The following FOXD1 variants were observed in gnomAD, a reference collection of about 807,000 sequenced individuals.
The protein encoded by FOXD1 is forkhead box protein D1.
FOXD1 carries 4 observed loss-of-function variants against 2.0 expected under a neutral mutation model. The ratio of observed to expected loss-of-function variants is 2.03; its 90% CI spans 1.00 to 4.64. FOXD1 has a LOEUF of 4.64. Among genes scored for constraint, FOXD1 ranks in the 30% most tolerant of loss-of-function variants. The pLI is 0.01. For missense variants in FOXD1, 586 were observed against 647.6 expected, an observed-to-expected ratio of 0.90 and a Z score of 1.03; for synonymous variants, 354 against 328.5, an observed-to-expected ratio of 1.08 and a Z score of -0.84.
chr5:73,447,387 C>A lies in FOXD1; in HGVS notation c.976G>T (p.Ala326Ser). 2.0e-6 allele frequency: 2 copies of A among 981,972 alleles called. No homozygotes were observed. The highest frequency in any genetic ancestry group is 2.4e-6 in the Non-Finnish European group (2 of 829,374). 60.8% of individuals were successfully genotyped at this position (981,972 alleles called of 1,614,324 possible). A position where few individuals can be genotyped will look rare whatever the true frequency, so the allele number is the denominator to read the frequency against. ...AGCGGGTGCGGCCGGTAGCCGAAGG[C>A]GGTCCGGGCCAGCTCGGCGGCCGCG... ...HGAAAELART[A>S]FGYRPHPLGA... The change falls in exon 1 of 1, where the codon GCC becomes TCC. Residue 326 changes from alanine (A) to serine (S), a missense_variant. Physicochemically the swap from Ala to Ser is moderately conservative, Grantham distance 99. Coordinates refer to ENST00000615637, the MANE Select transcript of FOXD1 (RefSeq NM_004472.3). The surrounding 1 kb of genome is among the most constrained non-coding windows in gnomAD (Gnocchi z 7.8).
Position 73,447,492 on chromosome 5 carries a change from G to T in FOXD1, c.871C>A (p.Leu291Ile). Residue 291 changes from leucine to isoleucine, a missense_variant, in exon 1 of 1, where the codon CTC becomes ATC. Leu to Ile is a conservative substitution (Grantham distance 5, BLOSUM62 2). This residue lies in a region of FOXD1 where 253 missense variants were observed against 234.4 expected (regional missense o/e 1.08). Transcript: ENST00000615637. The surrounding 1 kb of genome is among the most constrained non-coding windows in gnomAD (Gnocchi z 7.8). ...QLPPYAPPSALFAAAAAAAAA... is the reference protein window; with the variant it reads ...QLPPYAPPSAIFAAAAAAAAA... ...GCGGCGGCCGCTGCGGCGGCGAAGA[G>T]GGCCGAGGGCGGCGCGTAAGGCGGC... is the stretch of plus-strand genomic sequence containing the variant. 9.9e-7 allele frequency: 1 copy of T among 1,006,820 alleles called. No individual in the cohort carries two copies. Among genetic ancestry groups the T allele is most frequent in the Non-Finnish European group, 1.2e-6 (1 of 846,186 alleles). 62.4% of individuals were successfully genotyped at this position (1,006,820 alleles called of 1,614,324 possible). A position where few individuals can be genotyped will look rare whatever the true frequency, so the allele number is the denominator to read the frequency against.
Position 73,448,098 on chromosome 5 carries a change from G to T in FOXD1, c.265C>A (p.Pro89Thr). Reference sequence around the variant, plus strand: ...CCCGCCGCCGGGGCCGGGCCCGGGGGCGCCGGGGAGCCCCCAGCAGGCGGG... The same window carrying T: ...CCCGCCGCCGGGGCCGGGCCCGGGGTCGCCGGGGAGCCCCCAGCAGGCGGG... ...LAPPAGGSPAPPGPAPAAGAG... is the reference protein window; with the variant it reads ...LAPPAGGSPATPGPAPAAGAG... Residue 89 changes from proline (P) to threonine (T), a missense_variant, in exon 1 of 1, where the codon CCC becomes ACC. Pro to Thr is a conservative substitution (Grantham distance 38). Coordinates refer to ENST00000615637, the MANE Select transcript of FOXD1 (RefSeq NM_004472.3). 8.6e-7 allele frequency: 1 copy of T among 1,159,608 alleles called. No individual in the cohort carries two copies. The highest frequency in any genetic ancestry group is 1.1e-6 in the Non-Finnish European group (1 of 940,518). The allele number at this position is 1,159,608 out of a possible 1,614,324, so 71.8% of individuals were successfully genotyped here. A position where few individuals can be genotyped will look rare whatever the true frequency, so the allele number is the denominator to read the frequency against.
In FOXD1 at chr5:73,448,418, C is replaced by T. The variant is rs1405047635; in HGVS notation, c.-56G>A. The T allele has an allele frequency of 1.9e-6, 2 of 1,078,308 alleles. No individual in the cohort carries two copies. The highest frequency in any genetic ancestry group is 4.1e-5 in the South Asian group (1 of 24,158). 66.8% of individuals were successfully genotyped at this position (1,078,308 alleles called of 1,614,324 possible). A position where few individuals can be genotyped will look rare whatever the true frequency, so the allele number is the denominator to read the frequency against. On this transcript the variant is annotated 5_prime_UTR_variant, in exon 1 of 1. Transcript: ENST00000615637. ...ATGGGGGCGCCGGGCTCCGGGCTCCCTCTGCGCCCCAGCCCGGGTCCCGGG... is the reference window on the plus strand; with the variant it reads ...ATGGGGGCGCCGGGCTCCGGGCTCCTTCTGCGCCCCAGCCCGGGTCCCGGG...
Position 73,447,371 on chromosome 5 carries a change from G to A in FOXD1, c.992C>T (p.Pro331Leu), listed in dbSNP as rs921247059. 8 of 982,884 alleles carry A rather than the reference G, an allele frequency of 8.1e-6. No homozygotes were observed. The African/African-American group carries it at 1.2e-4, about 15-fold the overall frequency. 60.9% of individuals were successfully genotyped at this position (982,884 alleles called of 1,614,324 possible). A position where few individuals can be genotyped will look rare whatever the true frequency, so the allele number is the denominator to read the frequency against. ...GGGTAGGGCGGCGCCGAGCGGGTGC[G>A]GCCGGTAGCCGAAGGCGGTCCGGGC... ...ELARTAFGYR[P>L]HPLGAALPGP... The change falls in exon 1 of 1, where the codon CCG (proline) becomes CTG (leucine). Residue 331 changes from proline to leucine, a missense_variant. Pro to Leu is a moderately conservative substitution (Grantham distance 98). Around this residue, in one of 4 missense-constraint regions of FOXD1, gnomAD observed 253 missense variants for 234.4 expected, o/e 1.08. Coordinates refer to ENST00000615637, the MANE Select transcript of FOXD1 (RefSeq NM_004472.3). The surrounding 1 kb of genome is among the most constrained non-coding windows in gnomAD (Gnocchi z 7.8).
At position 73,447,873 on chromosome 5, in the gene FOXD1, C is replaced by G; in HGVS notation, c.490G>C (p.Glu164Gln). Residue 164 changes from glutamate (E) to glutamine (Q), a missense_variant, in exon 1 of 1, where the codon GAG (glutamate) becomes CAG (glutamine). Transcript: ENST00000615637. The surrounding 1 kb of genome is among the most constrained non-coding windows in gnomAD (Gnocchi z 7.8). ...CTGTTCTGCCAGGCGGGGAACTTCT[C>G]CCGGTAGTAGGGGAAGCGGCCGCTG... is the stretch of plus-strand genomic sequence containing the variant. Reference protein sequence around the residue: ...FISGRFPYYREKFPAWQNSIR... With the variant: ...FISGRFPYYRQKFPAWQNSIR... The G allele has an allele frequency of 6.2e-7, 1 of 1,611,716 alleles. No individual in the cohort carries two copies. Among genetic ancestry groups the G allele is most frequent in the Non-Finnish European group, 8.5e-7 (1 of 1,178,938 alleles).
At position 73,447,746 on chromosome 5, in the gene FOXD1, G is replaced by C; in HGVS notation, c.617C>G (p.Ala206Gly). Reference sequence around the variant, plus strand: ...GAAGCTGCCGTTGTCGAACATGTCGGCGGACTCCGGGTCCAGCGTCCAGTA... The same window carrying C: ...GAAGCTGCCGTTGTCGAACATGTCGCCGGACTCCGGGTCCAGCGTCCAGTA... ...GNYWTLDPESADMFDNGSFLR... is the reference protein window; with the variant it reads ...GNYWTLDPESGDMFDNGSFLR... Residue 206 changes from alanine to glycine, a missense_variant, in exon 1 of 1, where the codon GCC (alanine) becomes GGC (glycine). By Grantham distance (60) the Ala-to-Gly change is moderately conservative. This residue lies in a region of FOXD1 where 104 missense variants were observed against 175.4 expected (regional missense o/e 0.59). Coordinates refer to ENST00000615637, the MANE Select transcript of FOXD1 (RefSeq NM_004472.3). This position sits in a 1 kb window ranked among gnomAD's most constrained non-coding sequence, Gnocchi z 7.8. 1 of 1,611,212 alleles carries C rather than the reference G, an allele frequency of 6.2e-7. No individual in the cohort carries two copies.
At position 73,446,846 on chromosome 5, in the gene FOXD1, T is replaced by G. The variant is rs1580341416; in HGVS notation, c.*119A>C. 1.1e-6 allele frequency: 1 copy of G among 883,402 alleles called. No individual in the cohort carries two copies. The highest frequency in any genetic ancestry group is 1.7e-6 in the Non-Finnish European group (1 of 582,376). The allele number at this position is 883,402 out of a possible 1,614,324, so 54.7% of individuals were successfully genotyped here. On this transcript the variant is annotated 3_prime_UTR_variant, in exon 1 of 1. Coordinates refer to ENST00000615637, the MANE Select transcript of FOXD1 (RefSeq NM_004472.3). Reference sequence around the variant, plus strand: ...GTCCGAGAATTCGCAGCGGCGAAAATGGGCGCGCGAGGTCGAGAGGGGCCG... The same window carrying G: ...GTCCGAGAATTCGCAGCGGCGAAAAGGGGCGCGCGAGGTCGAGAGGGGCCG...
At position 73,447,031 on chromosome 5, in the gene FOXD1, C is replaced by T. The variant is rs779340784; in HGVS notation, c.1332G>A (p.Gly444=). 1.9e-6 allele frequency: 3 copies of T among 1,539,864 alleles called. No homozygotes were observed. Among genetic ancestry groups the T allele is most frequent in the East Asian group, 2.5e-5 (1 of 39,366 alleles). ...ASSVSSSAAL[G]TLHQGTALSS... is the part of the protein sequence containing the mutation. ...ACAGGGCAGTCCCTTGGTGCAGAGTCCCCAAGGCGGCGGACGAGGAGACTG... is the reference window on the plus strand; with the variant it reads ...ACAGGGCAGTCCCTTGGTGCAGAGTTCCCAAGGCGGCGGACGAGGAGACTG... The change falls in exon 1 of 1, where the codon GGG becomes GGA. Residue 444 remains glycine (G), a synonymous_variant. Transcript: ENST00000615637. The surrounding 1 kb of genome is among the most constrained non-coding windows in gnomAD (Gnocchi z 7.8).
Position 73,448,746 on chromosome 5 carries a change from G to A in FOXD1, c.-384C>T, listed in dbSNP as rs1488795141. Among the ~76,000 whole-genome samples the A allele has an allele frequency of 6.6e-6, 1 of 151,094 alleles. No homozygotes were observed. The highest frequency in any genetic ancestry group is 1.5e-5 in the Non-Finnish European group (1 of 67,686). On this transcript the variant is annotated 5_prime_UTR_variant, in exon 1 of 1. Coordinates refer to ENST00000615637, the MANE Select transcript of FOXD1 (RefSeq NM_004472.3). ...ACGTGCGGGACGGGTGAGAGTCTAA[G>A]AACAGAGCTCGGCGAGGCCAGGGCT...
chr5:73,447,149 G>C lies in FOXD1; in HGVS notation c.1214C>G (p.Ser405Cys), dbSNP rs1745513842. Reference sequence around the variant, plus strand: ...CTGCGCCGCGCAGCCTCCTCCGCTGGATCCGGGAGCTGGCGGCGCCGCCAC... The same window carrying C: ...CTGCGCCGCGCAGCCTCCTCCGCTGCATCCGGGAGCTGGCGGCGCCGCCAC... ...SPVAAPPAPG[S>C]SGGGCAAQAA... Residue 405 changes from serine (S) to cysteine (C), a missense_variant, in exon 1 of 1, where the codon TCC becomes TGC. By Grantham distance (112) the Ser-to-Cys change is moderately radical. Transcript: ENST00000615637. This position sits in a 1 kb window ranked among gnomAD's most constrained non-coding sequence, Gnocchi z 7.8. The C allele has an allele frequency of 1.7e-6, 2 of 1,150,012 alleles. No individual in the cohort carries two copies. Among genetic ancestry groups the C allele is most frequent in the South Asian group, 4.2e-5 (1 of 23,696 alleles). The allele number at this position is 1,150,012 out of a possible 1,614,324, so 71.2% of individuals were successfully genotyped here.
Position 73,446,984 on chromosome 5 carries a change from G to A in FOXD1, c.1379C>T (p.Ala460Val), listed in dbSNP as rs1195073205. ...GCGTTATTAACAATTGGAAATCCTAGCAGTAAAGTTCTCGACACTGGACAG... is the reference window on the plus strand; with the variant it reads ...GCGTTATTAACAATTGGAAATCCTAACAGTAAAGTTCTCGACACTGGACAG... The part of the protein sequence containing the change: ...TALSSVENFT[A>V]RISNC Residue 460 changes from alanine (A) to valine (V), a missense_variant, in exon 1 of 1, where the codon GCT becomes GTT. Physicochemically the swap from Ala to Val is moderately conservative, Grantham distance 64. This residue lies in a region of FOXD1 where 46 missense variants were observed against 78.6 expected (regional missense o/e 0.58). Coordinates refer to ENST00000615637, the MANE Select transcript of FOXD1 (RefSeq NM_004472.3). The A allele has an allele frequency of 5.2e-6, 8 of 1,547,114 alleles. No homozygotes were observed. The highest frequency in any genetic ancestry group is 4.8e-5 in the South Asian group (4 of 84,014).
Position 73,446,912 on chromosome 5 carries a change from GA to G in FOXD1, c.*52del. 6.9e-7 allele frequency: 1 copy of G among 1,452,642 alleles called. No individual in the cohort carries two copies. Among genetic ancestry groups the G allele is most frequent in the Non-Finnish European group, 9.4e-7 (1 of 1,066,436 alleles). 90.0% of individuals were successfully genotyped at this position (1,452,642 alleles called of 1,614,324 possible). ...ACAAAACACCGAACCACCAAGACGA[GA>G]AAAGGAGCCGGGATTCCTACCTTCT... is the stretch of plus-strand genomic sequence containing the variant. On this transcript the variant is annotated 3_prime_UTR_variant, in exon 1 of 1. Coordinates refer to ENST00000615637, the MANE Select transcript of FOXD1 (RefSeq NM_004472.3).
rs1745561969 is a variant in FOXD1 at position 73,448,755 on chromosome 5, T to C, written c.-393A>G. On this transcript the variant is annotated 5_prime_UTR_variant, in exon 1 of 1. Transcript: ENST00000615637. Reference sequence around the variant, plus strand: ...ACGGGTGAGAGTCTAAGAACAGAGCTCGGCGAGGCCAGGGCTGAGTCCAGG... The same window carrying C: ...ACGGGTGAGAGTCTAAGAACAGAGCCCGGCGAGGCCAGGGCTGAGTCCAGG... 6.6e-6 allele frequency among the ~76,000 whole-genome samples: 1 copy of C among 152,002 alleles called. No individual in the cohort carries two copies.
chr5:73,448,278 C>A lies in FOXD1; in HGVS notation c.85G>T (p.Glu29Ter). 6.8e-7 allele frequency: 1 copy of A among 1,475,304 alleles called. No homozygotes were observed. The highest frequency in any genetic ancestry group is 9.0e-7 in the Non-Finnish European group (1 of 1,105,494). 91.4% of individuals were successfully genotyped at this position (1,475,304 alleles called of 1,614,324 possible). Reference sequence around the variant, plus strand: ...TCGTCGTCCTCCTCTTCCTCGTCTTCTTCGTCCTCGCCCTCCCCCACCACG... The same window carrying A: ...TCGTCGTCCTCCTCTTCCTCGTCTTATTCGTCCTCGCCCTCCCCCACCACG... ...IDVVGEGEDEEDEEEEDDDEG... is the reference protein window; with the variant it reads ...IDVVGEGEDE Residue 29 changes from glutamate to a stop codon, truncating the protein, a stop_gained, in exon 1 of 1, where the codon GAA becomes TAA. Transcript: ENST00000615637. LOFTEE classifies it low-confidence loss of function (END_TRUNC).
chr5:73,447,937 G>C lies in FOXD1; in HGVS notation c.426C>G (p.Pro142=), dbSNP rs765219596. 1.9e-6 allele frequency: 3 copies of C among 1,609,828 alleles called. No homozygotes were observed. The highest frequency in any genetic ancestry group is 2.2e-5 in the East Asian group (1 of 44,502). The change falls in exon 1 of 1, where the codon CCC becomes CCG. Residue 142 remains proline (P), a synonymous_variant. Coordinates refer to ENST00000615637, the MANE Select transcript of FOXD1 (RefSeq NM_004472.3). This position sits in a 1 kb window ranked among gnomAD's most constrained non-coding sequence, Gnocchi z 7.8. Reference sequence around the variant, plus strand: ...TCTCGCTCAGCGTCAGCCGCTTCTTGGGGCTCTGCAGGATGGCCATAGTGA... The same window carrying C: ...TCTCGCTCAGCGTCAGCCGCTTCTTCGGGCTCTGCAGGATGGCCATAGTGA... The part of the protein sequence containing the change: ...ALITMAILQS[P]KKRLTLSEIC...
Position 73,448,548 on chromosome 5 carries a change from A to G in FOXD1, c.-186T>C, listed in dbSNP as rs116044273. The stretch of plus-strand genomic sequence containing the variant: ...CGGCGGAGTCTCGCGCGCCGACTTT[A>G]TAACTCCTGCGCCGCCGCGGTAGCC... On this transcript the variant is annotated 5_prime_UTR_variant, in exon 1 of 1. Coordinates refer to ENST00000615637, the MANE Select transcript of FOXD1 (RefSeq NM_004472.3). 7,020 of 181,886 alleles carry G rather than the reference A, an allele frequency of 0.039. 150 individuals are homozygous for G. The highest frequency in any genetic ancestry group is 0.057 in the East Asian group (297 of 5,220). The allele number at this position is 181,886 out of a possible 1,614,324, so 11.3% of individuals were successfully genotyped here. A position where few individuals can be genotyped will look rare whatever the true frequency, so the allele number is the denominator to read the frequency against.
In FOXD1 at chr5:73,446,893, C is replaced by T. The variant is rs569819300; in HGVS notation, c.*72G>A. 16 of 1,351,756 alleles carry T rather than the reference C, an allele frequency of 1.2e-5. No individual in the cohort carries two copies. Among genetic ancestry groups the T allele is most frequent in the East Asian group, 1.1e-4 (4 of 37,246 alleles). 83.7% of individuals were successfully genotyped at this position (1,351,756 alleles called of 1,614,324 possible). Reference sequence around the variant, plus strand: ...GCCGCGCCTGGAGGAGCGAACAAAACACCGAACCACCAAGACGAGAAAAGG... The same window carrying T: ...GCCGCGCCTGGAGGAGCGAACAAAATACCGAACCACCAAGACGAGAAAAGG... On this transcript the variant is annotated 3_prime_UTR_variant, in exon 1 of 1. Transcript: ENST00000615637.
rs764048519 is a variant in FOXD1, at chr5:73,447,907, A to G, written c.456T>C (p.Cys152=). 1 of 1,611,102 alleles carries G rather than the reference A, an allele frequency of 6.2e-7. No homozygotes were observed. The highest frequency in any genetic ancestry group is 8.5e-7 in the Non-Finnish European group (1 of 1,178,632). ...AGGGGAAGCGGCCGCTGATGAACTC[A>G]CAGATCTCGCTCAGCGTCAGCCGCT... ...PKKRLTLSEI[C]EFISGRFPYY... is the part of the protein sequence containing the mutation. Residue 152 remains cysteine, a synonymous_variant, in exon 1 of 1, where the codon TGT becomes TGC. Transcript: ENST00000615637. The surrounding 1 kb of genome is among the most constrained non-coding windows in gnomAD (Gnocchi z 7.8).
Position 73,447,764 on chromosome 5 carries a change from G to A in FOXD1, c.599C>T (p.Thr200Met). The A allele has an allele frequency of 1.2e-6, 2 of 1,611,642 alleles. No individual in the cohort carries two copies. Among genetic ancestry groups the A allele is most frequent in the Admixed American group, 1.7e-5 (1 of 59,774 alleles). ...CATGTCGGCGGACTCCGGGTCCAGC[G>A]TCCAGTAGTTGCCCTTGCCCGGGTT... ...PGNPGKGNYWTLDPESADMFD... is the reference protein window; with the variant it reads ...PGNPGKGNYWMLDPESADMFD... Residue 200 changes from threonine to methionine, a missense_variant, in exon 1 of 1, where the codon ACG (threonine) becomes ATG (methionine). Coordinates refer to ENST00000615637, the MANE Select transcript of FOXD1 (RefSeq NM_004472.3). This position sits in a 1 kb window ranked among gnomAD's most constrained non-coding sequence, Gnocchi z 7.8.
Sources: gnomAD v4.1 joint callset for allele counts (sites outside exome capture counted in the v4.1 genomes callset) on GRCh38, gnomAD v4.1.1 for gene constraint, gnomAD v4.1.1 regional missense constraint, Gnocchi (gnomAD v3.1) non-coding constraint, MANE v1.5 for transcripts, NCBI Gene and HGNC (gene_info 2026-07-23, HGNC 2026-07-21) for gene names.